The following ALAS1 variants were observed in gnomAD, a reference collection of about 807,000 sequenced individuals.
The protein encoded by ALAS1 is 5-aminolevulinate synthase, non-specific, mitochondrial.
Under a neutral mutation model 59.6 loss-of-function variants are expected in ALAS1, and 29 were observed. The ratio of observed to expected loss-of-function variants is 0.49; its 90% CI spans 0.36 to 0.66. The LOEUF is 0.66. ALAS1 is among the 30% of genes least tolerant of loss of function. The pLI is 0.00. For synonymous variants in ALAS1, 299 were observed against 296.6 expected (o/e 1.01, Z -0.08); for missense variants, 690 against 807.5 (o/e 0.85, Z 1.76).
At chr3:52,207,708 C>G (rs1160638708) in intron 8 of ALAS1, among the ~76,000 whole-genome samples, 4 of 152,142 alleles carry the variant, frequency 2.6e-5, no homozygotes, top group African/African-American at 9.7e-5. Flanking sequence ...GTGTTTAGCT[C>G]CCACTTATAA....
chr3:52,209,976 G>T (rs532331517), intron 9 of ALAS1, among the ~76,000 whole-genome samples: 1 of 152,018 alleles, frequency 6.6e-6, no homozygotes, highest in Non-Finnish European at 1.5e-5. Flanking sequence ...CACTGCACCT[G>T]GCCTCTTCTG....
rs1011583315 is a variant in ALAS1 at position 52,211,346 on chromosome 3, G to A, written c.1394G>A (p.Arg465Gln). The A allele has an allele frequency of 1.4e-5, 23 of 1,614,074 alleles. No individual in the cohort carries two copies. The highest frequency in any genetic ancestry group is 2.2e-5 in the South Asian group (2 of 91,092). ...ACGAGTTCTCTGATTGACACCGTACGGTCCTATGCTGCTGGCTTCATCTTC... is the reference window on the plus strand; with the variant it reads ...ACGAGTTCTCTGATTGACACCGTACAGTCCTATGCTGCTGGCTTCATCTTC... ...ASTSSLIDTV[R>Q]SYAAGFIFTT... The change falls in exon 10 of 12, where the codon CGG (arginine) becomes CAG (glutamine). Residue 465 changes from arginine (R) to glutamine (Q), a missense_variant. Coordinates refer to ENST00000484952, the MANE Select transcript of ALAS1 (RefSeq NM_000688.6).
Position 52,211,395 on chromosome 3 carries a change from G to T in ALAS1, c.1443G>T (p.Leu481=). Residue 481 remains leucine (L), a synonymous_variant, in exon 10 of 12, where the codon CTG becomes CTT. Coordinates refer to ENST00000484952, the MANE Select transcript of ALAS1 (RefSeq NM_000688.6). The part of the protein sequence containing the change: ...FIFTTSLPPM[L]LAGALESVRI... ...TCACCACCTCTCTGCCACCCATGCT[G>T]CTGGCTGGAGCCCTGGAGTCTGTGC... 6.2e-7 allele frequency: 1 copy of T among 1,614,212 alleles called. No homozygotes were observed. Among genetic ancestry groups the T allele is most frequent in the South Asian group, 1.1e-5 (1 of 91,090 alleles).
At chr3:52,202,761 T>C (rs1421355314) in intron 4 of ALAS1, 27 bp downstream of exon 4, 1 of 1,603,390 alleles carries the variant, frequency 6.2e-7, no homozygotes, top group Non-Finnish European at 8.5e-7. Flanking sequence ...GAACCATTAG[T>C]GGTAGTGAAG....
chr3:52,198,089 A>G (rs968025680), upstream of ALAS1: 3 of 397,604 alleles, frequency 7.5e-6, no homozygotes, highest in African/African-American at 4.1e-5. Flanking sequence ...TGCGCAGAAG[A>G]AGGCAGCGCC....
At chr3:52,212,199 C>A in intron 10 of ALAS1, 59 bp from the exon 11 acceptor site, 1 of 1,506,248 alleles carries the variant, frequency 6.6e-7, no homozygotes, top group South Asian at 1.2e-5. Context: ...TCGTTAGGAT[C>A]TCTGCTAAGA....
chr3:52,198,642 C>G lies in ALAS1; in HGVS notation c.-209-30C>G, dbSNP rs897764538. The G allele has an allele frequency of 1.5e-5, 10 of 683,016 alleles. No individual in the cohort carries two copies. In the African/African-American group the frequency reaches 1.6e-4, roughly 11 times the overall value. 42.3% of individuals were successfully genotyped at this position (683,016 alleles called of 1,614,324 possible). ...GCCCAAGGCGCTGGCCCTCATACCC[C>G]TACCCTCATTTGTGCCCCTCCTTTC... On this transcript the variant is annotated intron_variant, in intron 1 of 11. Coordinates refer to ENST00000484952, the MANE Select transcript of ALAS1 (RefSeq NM_000688.6).
At chr3:52,204,584 A>C in intron 5 of ALAS1, 109 bp from the exon 6 acceptor site, 1 of 850,650 alleles carries the variant, frequency 1.2e-6, no homozygotes, top group Non-Finnish European at 1.8e-6. Context: ...ACATCAAATA[A>C]CCTGCCCAGG....
Position 52,199,260 on chromosome 3 carries a change from C to G in ALAS1, c.19C>G (p.Arg7Gly). 1 of 1,614,148 alleles carries G rather than the reference C, an allele frequency of 6.2e-7. No homozygotes were observed. Among genetic ancestry groups the G allele is most frequent in the Non-Finnish European group, 8.5e-7 (1 of 1,180,024 alleles). Residue 7 changes from arginine (R) to glycine (G), a missense_variant, in exon 3 of 12, where the codon CGC becomes GGC. Arg to Gly is a moderately radical substitution (Grantham distance 125). Transcript: ENST00000484952. ...CCTGAACATGGAGAGTGTTGTTCGC[C>G]GCTGCCCATTCTTATCCCGAGTCCC... The part of the protein sequence containing the change: MESVVR[R>G]CPFLSRVPQA...
chr3:52,198,641 C>T (rs1160432943), intron 1 of ALAS1, 31 bp from the exon 2 acceptor site: 16 of 680,758 alleles, frequency 2.4e-5, no homozygotes, highest in Non-Finnish European at 4.1e-5. Flanking sequence ...CCCTCATACC[C>T]CTACCCTCAT....
At chr3:52,205,714 T>C in intron 6 of ALAS1, 125 bp from the exon 7 acceptor site, 1 of 918,430 alleles carries the variant, frequency 1.1e-6, no homozygotes, top group South Asian at 1.9e-5. Flanking sequence ...GACCCCAGGT[T>C]TCACAGTGAG....
At chr3:52,198,618 C>A in intron 1 of ALAS1, 54 bp from the exon 2 acceptor site, 1 of 615,060 alleles carries the variant, frequency 1.6e-6, no homozygotes. Flanking sequence ...CCCAGTGAGG[C>A]CCAAGGCGCT....
chr3:52,198,987 A>G, intron 2 of ALAS1, 139 bp downstream of exon 2: 3 of 1,143,592 alleles, frequency 2.6e-6, no homozygotes, highest in Non-Finnish European at 2.5e-6. Flanking sequence ...GTTGCTTTGC[A>G]GGTGCCTTTG....
In ALAS1 at chr3:52,199,330, C is replaced by T; in HGVS notation, c.89C>T (p.Ala30Val). 3.1e-6 allele frequency: 5 copies of T among 1,614,210 alleles called. No homozygotes were observed. Among genetic ancestry groups the T allele is most frequent in the East Asian group, 4.5e-5 (2 of 44,886 alleles). ...QKAGKSLLFYAQNCPKMMEVG... is the reference protein window; with the variant it reads ...QKAGKSLLFYVQNCPKMMEVG... The stretch of plus-strand genomic sequence containing the variant: ...GCAGGCAAATCTCTGTTGTTCTATG[C>T]CCAAAACTGCCCCAAGATGATGGAA... The change falls in exon 3 of 12, where the codon GCC becomes GTC. Residue 30 changes from alanine to valine, a missense_variant. Coordinates refer to ENST00000484952, the MANE Select transcript of ALAS1 (RefSeq NM_000688.6).
intron 6 of ALAS1, among the ~76,000 whole-genome samples, chr3:52,205,472 C>T (rs542021979): frequency 1.3e-5 from 2 of 152,218 alleles, no homozygotes; most frequent in African/African-American, 4.8e-5. Flanking sequence ...AGGGTAACCA[C>T]CATCCAGGAT....
At chr3:52,200,165 C>A (rs1367435728) in intron 3 of ALAS1, among the ~76,000 whole-genome samples, 1 of 151,956 alleles carries the variant, frequency 6.6e-6, no homozygotes, top group Non-Finnish European at 1.5e-5. Flanking sequence ...AGTTTTTGTT[C>A]TGTTGTGGTA....
intron 8 of ALAS1, 47 bp downstream of exon 8, chr3:52,206,798 G>C (rs1699300112): frequency 1.3e-6 from 2 of 1,566,090 alleles, no homozygotes; most frequent in Non-Finnish European, 1.7e-6. Flanking sequence ...GAAAAACTAT[G>C]CCTGAACTCT....
In ALAS1 at chr3:52,203,944, T is replaced by C; in HGVS notation, c.509T>C (p.Phe170Ser). The C allele has an allele frequency of 6.2e-7, 1 of 1,613,710 alleles. No individual in the cohort carries two copies. The highest frequency in any genetic ancestry group is 8.5e-7 in the Non-Finnish European group (1 of 1,179,726). Residue 170 changes from phenylalanine (F) to serine (S), a missense_variant, in exon 5 of 12, where the codon TTC becomes TCC. By Grantham distance (155) the Phe-to-Ser change is radical. Transcript: ENST00000484952. The part of the protein sequence containing the change: ...GGDPSGLLKN[F>S]QDIMQKQRPE... ...GATCCCAGTGGACTGCTGAAGAACT[T>C]CCAGGACATCATGCAAAAGCAAAGA...
In ALAS1 at chr3:52,206,548, T is replaced by C. The variant is rs564213724; in HGVS notation, c.986-24T>C. ...AATTTGTCTTCGATGCACATGGCAA[T>C]AAATAGCATTTTTGTTGTCTTAGGC... On this transcript the variant is annotated intron_variant, in intron 7 of 11. Coordinates refer to ENST00000484952, the MANE Select transcript of ALAS1 (RefSeq NM_000688.6). 9 of 1,606,854 alleles carry C rather than the reference T, an allele frequency of 5.6e-6. No homozygotes were observed. In the African/African-American group the frequency reaches 6.7e-5, roughly 12 times the overall value.
Sources: gnomAD v4.1 joint callset for allele counts (sites outside exome capture counted in the v4.1 genomes callset) on GRCh38, gnomAD v4.1.1 for gene constraint, MANE v1.5 for transcripts, NCBI Gene and HGNC (gene_info 2026-07-23, HGNC 2026-07-21) for gene names.